The following MEGF8 variants were observed in gnomAD, a reference collection of about 807,000 sequenced individuals.
MEGF8 encodes the protein multiple epidermal growth factor-like domains protein 8.
In MEGF8, 156 loss-of-function variants were observed where a neutral mutation model predicts 302.9. The ratio of observed to expected loss-of-function variants is 0.52; its 90% CI spans 0.45 to 0.59. The LOEUF (loss-of-function observed/expected upper bound fraction) is 0.59, where lower values mean the gene tolerates loss of function less well. MEGF8 is among the 20% of genes least tolerant of loss of function. The pLI, the probability that MEGF8 is intolerant of heterozygous loss-of-function variation, is 0.00. For synonymous variants in MEGF8, 1,621 were observed against 1,660.5 expected (o/e 0.98, Z 0.58); for missense variants, 3,345 against 3,964.5 (o/e 0.84, Z 4.20).
At chr19:42,367,756 T>C (rs1378762142) in intron 35 of MEGF8, among the ~76,000 whole-genome samples, 1 of 152,194 alleles carries the variant, frequency 6.6e-6, no homozygotes, top group African/African-American at 2.4e-5. Context: ...CACAAGGAAC[T>C]GGAGACAGAC....
Position 42,349,616 on chromosome 19 carries a change from C to T in MEGF8, c.2416C>T (p.Gln806Ter), listed in dbSNP as rs1240032863. 6.2e-7 allele frequency: 1 copy of T among 1,612,252 alleles called. No individual in the cohort carries two copies. The highest frequency in any genetic ancestry group is 8.5e-7 in the Non-Finnish European group (1 of 1,179,816). The change falls in exon 14 of 42, where the codon CAG becomes TAG. Residue 806 changes from glutamine to a stop codon, truncating the protein, a stop_gained. Coordinates refer to ENST00000251268, the MANE Select transcript of MEGF8 (RefSeq NM_001271938.2). LOFTEE classifies it high-confidence loss of function. Reference protein sequence around the residue: ...GRDHKYAVEIQGQLNGSAGPG... With the variant: ...GRDHKYAVEI ...GGACCACAAGTATGCAGTAGAGATC[C>T]AGGGCCAGCTCAATGGCTCGGCAGG...
chr19:42,337,075 C>T lies in MEGF8; in HGVS notation c.1391-9C>T. 6.2e-7 allele frequency: 1 copy of T among 1,613,820 alleles called. No homozygotes were observed. The highest frequency in any genetic ancestry group is 8.5e-7 in the Non-Finnish European group (1 of 1,179,796). On this transcript the variant is annotated splice_polypyrimidine_tract_variant and intron_variant, in intron 7 of 41. Coordinates refer to ENST00000251268, the MANE Select transcript of MEGF8 (RefSeq NM_001271938.2). ...GCTTGCCAGCTATGCCCCTTTCCTC[C>T]ATTCCCAGGGGGCAATGTGCACACC...
rs146980004 is a variant in MEGF8 at position 42,336,945 on chromosome 19, G to A, written c.1383G>A (p.Val461=). 27 of 1,613,722 alleles carry A rather than the reference G, an allele frequency of 1.7e-5. 1 individual carries two copies. In the African/African-American group the frequency reaches 2.3e-4, roughly 14 times the overall value. The change falls in exon 7 of 42, where the codon GTG becomes GTA. Residue 461 remains valine, a synonymous_variant. Transcript: ENST00000251268. The surrounding 1 kb of genome is among the most constrained non-coding windows in gnomAD (Gnocchi z 4.8). The part of the protein sequence containing the change: ...HTASVLGNYM[V]VYGGNVHTHY... ...CCAGTGTTCTGGGCAATTACATGGT[G>A]GTCTATGGTGAGGAGGCTCCCCAAT...
Position 42,371,068 on chromosome 19 carries a change from C to T in MEGF8, c.7136+237C>T, listed in dbSNP as rs60492273. ...TGAAGTGCAGTCCACAGAGCGGCCCCATCGAGAACAAGATGGGGCGGCTGA... is the reference window on the plus strand; with the variant it reads ...TGAAGTGCAGTCCACAGAGCGGCCCTATCGAGAACAAGATGGGGCGGCTGA... On this transcript the variant is annotated intron_variant, in intron 40 of 41. Transcript: ENST00000251268. Among the ~76,000 whole-genome samples, 2,323 of 152,100 alleles carry T rather than the reference C, an allele frequency of 0.015. 60 individuals carry two copies. Among genetic ancestry groups the T allele is most frequent in the African/African-American group, 0.051 (2,137 of 41,498 alleles).
intron 2 of MEGF8, 99 bp downstream of exon 2, chr19:42,333,867 G>A (rs1333656003): frequency 7.1e-6 from 11 of 1,546,984 alleles, no homozygotes; most frequent in South Asian, 3.7e-5. Context: ...CAGAGCACAG[G>A]GACAAGGGAA....
chr19:42,346,455 T>A (rs1013268766), intron 12 of MEGF8, among the ~76,000 whole-genome samples: 2 of 151,994 alleles, frequency 1.3e-5, no homozygotes, highest in African/African-American at 4.8e-5. Context: ...GGTGGGAGGA[T>A]CACTTGAGGT....
rs1256574148 is a variant in MEGF8, at chr19:42,350,121, G to A, written c.2500-27G>A. ...CTGACCCCTGCCCCAGACCTTGACT[G>A]CTGCCTTCCTGTGACCCCTTCCCCA... On this transcript the variant is annotated intron_variant, in intron 14 of 41. Transcript: ENST00000251268. 2.5e-6 allele frequency: 4 copies of A among 1,575,678 alleles called. No individual in the cohort carries two copies. The East Asian group carries it at 9.0e-5, about 35-fold the overall frequency.
Position 42,358,700 on chromosome 19 carries a change from C to A in MEGF8, c.5176-87C>A. 2.1e-6 allele frequency: 3 copies of A among 1,427,520 alleles called. No homozygotes were observed. The highest frequency in any genetic ancestry group is 2.8e-6 in the Non-Finnish European group (3 of 1,078,556). 88.4% of individuals were successfully genotyped at this position (1,427,520 alleles called of 1,614,324 possible). On this transcript the variant is annotated intron_variant, in intron 29 of 41. Coordinates refer to ENST00000251268, the MANE Select transcript of MEGF8 (RefSeq NM_001271938.2). The surrounding 1 kb of genome is among the most constrained non-coding windows in gnomAD (Gnocchi z 4.4). ...TAGAGAGGCTGGTGGTTTCAGTCCA[C>A]ACGTTTCCAAGCCCGTCTTGGAGGC...
At position 42,359,252 on chromosome 19, in the gene MEGF8, C is replaced by T; in HGVS notation, c.5488+10C>T. 2 of 1,543,034 alleles carry T rather than the reference C, an allele frequency of 1.3e-6. No individual in the cohort carries two copies. The highest frequency in any genetic ancestry group is 1.2e-5 in the South Asian group (1 of 81,414). ...CTGCCCGACCTCACCCGTAAGTCCC[C>T]ATTGTGGCTCCCAGGAGGCTGAGGG... On this transcript the variant is annotated intron_variant, in intron 31 of 41. Coordinates refer to ENST00000251268, the MANE Select transcript of MEGF8 (RefSeq NM_001271938.2).
chr19:42,329,485 G>T (rs2147439544), intron 1 of MEGF8, among the ~76,000 whole-genome samples: 1 of 152,304 alleles, frequency 6.6e-6, no homozygotes, highest in African/African-American at 2.4e-5. Context: ...GAGACCTCCA[G>T]ATCCCCCTTG....
intron 31 of MEGF8, among the ~76,000 whole-genome samples, chr19:42,360,452 C>T (rs1265779099): frequency 6.6e-6 from 1 of 150,740 alleles, no homozygotes; most frequent in Non-Finnish European, 1.5e-5. Flanking sequence ...CTCAAGTGAT[C>T]CTCCTAATTT....
chr19:42,358,362 C>T lies in MEGF8; in HGVS notation c.5175+55C>T. 7.9e-6 allele frequency: 12 copies of T among 1,524,848 alleles called. No individual in the cohort carries two copies. The highest frequency in any genetic ancestry group is 1.1e-5 in the Non-Finnish European group (12 of 1,141,028). 94.5% of individuals were successfully genotyped at this position (1,524,848 alleles called of 1,614,324 possible). On this transcript the variant is annotated intron_variant, in intron 29 of 41. Coordinates refer to ENST00000251268, the MANE Select transcript of MEGF8 (RefSeq NM_001271938.2). The surrounding 1 kb of genome is among the most constrained non-coding windows in gnomAD (Gnocchi z 4.4). Reference sequence around the variant, plus strand: ...GTATGGGGCAGGAGGGAGGGGTCCTCTTTCCCAGTGCCCCAGGGACTGGCT... The same window carrying T: ...GTATGGGGCAGGAGGGAGGGGTCCTTTTTCCCAGTGCCCCAGGGACTGGCT...
rs1600041414 is a variant in MEGF8, at chr19:42,348,559, G to A, written c.2298+87G>A. 13 of 1,300,840 alleles carry A rather than the reference G, an allele frequency of 1.0e-5. No individual in the cohort carries two copies. In the East Asian group the frequency reaches 3.1e-4, roughly 31 times the overall value. The allele number at this position is 1,300,840 out of a possible 1,614,324, so 80.6% of individuals were successfully genotyped here. ...ATAGAGCATCTGTGGTGATTTGAAG[G>A]TTCTGGGGAAGGGCTGGGGAGAAAT... On this transcript the variant is annotated intron_variant, in intron 13 of 41. Transcript: ENST00000251268.
chr19:42,357,366 T>C lies in MEGF8; in HGVS notation c.4831-38T>C. Reference sequence around the variant, plus strand: ...TCTACCCACAAGGTGACCCCTGACCTCTAGCCCCATCGGTGACCTTGCCCC... The same window carrying C: ...TCTACCCACAAGGTGACCCCTGACCCCTAGCCCCATCGGTGACCTTGCCCC... On this transcript the variant is annotated intron_variant, in intron 27 of 41. Coordinates refer to ENST00000251268, the MANE Select transcript of MEGF8 (RefSeq NM_001271938.2). The surrounding 1 kb of genome is among the most constrained non-coding windows in gnomAD (Gnocchi z 5.2). 1 of 1,604,526 alleles carries C rather than the reference T, an allele frequency of 6.2e-7. No homozygotes were observed. The highest frequency in any genetic ancestry group is 8.5e-7 in the Non-Finnish European group (1 of 1,174,338).
In MEGF8 at chr19:42,350,201, T is replaced by C. The variant is rs201242310; in HGVS notation, c.2553T>C (p.Tyr851=). The part of the protein sequence containing the change: ...EPYRSSSCTS[Y]SSCLGCLADQ... ...ACCGCTCGTCGTCCTGCACCTCCTA[T>C]TCTTCCTGCCTGGGCTGCTTGGCAG... Residue 851 remains tyrosine (Y), a synonymous_variant, in exon 15 of 42, where the codon TAT becomes TAC. Coordinates refer to ENST00000251268, the MANE Select transcript of MEGF8 (RefSeq NM_001271938.2). The C allele has an allele frequency of 1.2e-6, 2 of 1,613,634 alleles. No homozygotes were observed. Among genetic ancestry groups the C allele is most frequent in the Non-Finnish European group, 8.5e-7 (1 of 1,179,864 alleles).
intron 1 of MEGF8, among the ~76,000 whole-genome samples, chr19:42,329,725 C>T (rs2039030855): frequency 6.6e-6 from 1 of 151,914 alleles, no homozygotes; most frequent in Non-Finnish European, 1.5e-5. Flanking sequence ...ATTAGCTGGG[C>T]TTGGTGGGTG....
intron 40 of MEGF8, 39 bp downstream of exon 40, chr19:42,370,870 GGGAGGCC>G: frequency 5.5e-6 from 1 of 182,066 alleles, no homozygotes; most frequent in Non-Finnish European, 1.2e-5. Flanking sequence ...GGGGGGGGGG[GGGAGGCC>G]GGGGATCCCA....
Position 42,349,689 on chromosome 19 carries a change from C to G in MEGF8, c.2489C>G (p.Pro830Arg), listed in dbSNP as rs774744502. 1 of 1,611,836 alleles carries G rather than the reference C, an allele frequency of 6.2e-7. No individual in the cohort carries two copies. Among genetic ancestry groups the G allele is most frequent in the Non-Finnish European group, 8.5e-7 (1 of 1,179,708 alleles). The change falls in exon 14 of 42, where the codon CCA (proline) becomes CGA (arginine). Residue 830 changes from proline (P) to arginine (R), a missense_variant. Transcript: ENST00000251268. Reference sequence around the variant, plus strand: ...CTGCTGTGGGATCGGACTGGTGTGCCAGGAGGCAGCGTGAGTACCCAGGAC... The same window carrying G: ...CTGCTGTGGGATCGGACTGGTGTGCGAGGAGGCAGCGTGAGTACCCAGGAC... ...LTLLWDRTGVPGGSEISFFFL... is the reference protein window; with the variant it reads ...LTLLWDRTGVRGGSEISFFFL...
rs2039633603 is a variant in MEGF8, at chr19:42,368,145, T to A, written c.6274-310T>A. On this transcript the variant is annotated intron_variant, in intron 35 of 41. Transcript: ENST00000251268. This position sits in a 1 kb window ranked among gnomAD's most constrained non-coding sequence, Gnocchi z 4.9. ...GCTGCCCAGGCTGGTCTGGAACTCTTGGGCTCAAGTGATCCTCCCACTGTA... is the reference window on the plus strand; with the variant it reads ...GCTGCCCAGGCTGGTCTGGAACTCTAGGGCTCAAGTGATCCTCCCACTGTA... Among the ~76,000 whole-genome samples, 1 of 152,176 alleles carries A rather than the reference T, an allele frequency of 6.6e-6. No homozygotes were observed. The highest frequency in any genetic ancestry group is 2.4e-5 in the African/African-American group (1 of 41,440).
Sources: gnomAD v4.1 joint callset for allele counts (sites outside exome capture counted in the v4.1 genomes callset) on GRCh38, gnomAD v4.1.1 for gene constraint, Gnocchi (gnomAD v3.1) non-coding constraint, MANE v1.5 for transcripts, NCBI Gene and HGNC (gene_info 2026-07-23, HGNC 2026-07-21) for gene names.